HHAT: variants seen among roughly 807,000 people sequenced by gnomAD.
HHAT encodes protein-cysteine N-palmitoyltransferase HHAT.
Under a neutral mutation model 70.8 loss-of-function variants are expected in HHAT, and 47 were observed. The ratio of observed to expected loss-of-function variants is 0.66; its 90% CI spans 0.53 to 0.85. HHAT has a LOEUF of 0.85. Ranked by LOEUF, HHAT falls within the 40% of genes least tolerant of loss-of-function variation. HHAT has a pLI of 0.00. For missense variants in HHAT, 609 were observed against 604.8 expected, an observed-to-expected ratio of 1.01 and a Z score of -0.07; for synonymous variants, 228 against 247.6, an observed-to-expected ratio of 0.92 and a Z score of 0.74.
intron 9 of HHAT, among the ~76,000 whole-genome samples, chr1:210,530,143 TGCA>T (rs1328730335): frequency 2.0e-5 from 3 of 152,142 alleles, no homozygotes; most frequent in African/African-American, 7.2e-5. Flanking sequence ...TATGTAAAAT[TGCA>T]CACAAAAATC....
intron 6 of HHAT, among the ~76,000 whole-genome samples, chr1:210,405,495 T>G (rs974368702): frequency 6.6e-6 from 1 of 152,140 alleles, no homozygotes; most frequent in African/African-American, 2.4e-5. Flanking sequence ...GAAAATAACA[T>G]GTACGTGCAT....
Position 210,595,358 on chromosome 1 carries a change from T to C in HHAT, c.1245+7259T>C, listed in dbSNP as rs181343856. Among the ~76,000 whole-genome samples the C allele has an allele frequency of 8.4e-4, 128 of 152,350 alleles. 2 individuals carry two copies. Among genetic ancestry groups the C allele is most frequent in the Admixed American group, 2.7e-3 (41 of 15,304 alleles). ...TATGTGCCACATTTTCCTAATCCAG[T>C]CTATCATTGTTGGACATTTGGGTTG... is the stretch of plus-strand genomic sequence containing the variant. On this transcript the variant is annotated intron_variant, in intron 10 of 11. Coordinates refer to ENST00000261458, the MANE Select transcript of HHAT (RefSeq NM_018194.6).
At chr1:210,567,113 C>T (rs754976181) in intron 9 of HHAT, among the ~76,000 whole-genome samples, 17 of 152,222 alleles carry the variant, frequency 1.1e-4, no homozygotes, top group Non-Finnish European at 2.4e-4. Context: ...AGAGGATGCA[C>T]ATCCCTGTTG....
chr1:210,523,329 T>G (rs1003054648), intron 9 of HHAT, among the ~76,000 whole-genome samples: 1 of 152,148 alleles, frequency 6.6e-6, no homozygotes, highest in Non-Finnish European at 1.5e-5. Context: ...TGCCTGAGCT[T>G]CTCCCATTAG....
chr1:210,537,571 A>G lies in HHAT; in HGVS notation c.1043+24383A>G, dbSNP rs1390850249. Among the ~76,000 whole-genome samples, 3 of 152,208 alleles carry G rather than the reference A, an allele frequency of 2.0e-5. No individual in the cohort carries two copies. The East Asian group carries it at 5.8e-4, about 29-fold the overall frequency. ...CCGTCTTCTGCAGGTCAGCTGCAGTAGGTGAAAATGGAGACAGGAAGGGCC... is the reference window on the plus strand; with the variant it reads ...CCGTCTTCTGCAGGTCAGCTGCAGTGGGTGAAAATGGAGACAGGAAGGGCC... On this transcript the variant is annotated intron_variant, in intron 9 of 11. Coordinates refer to ENST00000261458, the MANE Select transcript of HHAT (RefSeq NM_018194.6).
chr1:210,340,242 G>GGGT, intron 1 of HHAT, among the ~76,000 whole-genome samples: 1 of 99,780 alleles, frequency 1.0e-5, no homozygotes, highest in South Asian at 3.4e-4. Context: ...CTCTGTCTCA[G>GGGT]AAAAAAAAAA....
At chr1:210,386,496 C>T (rs1271735650) in intron 3 of HHAT, among the ~76,000 whole-genome samples, 1 of 151,898 alleles carries the variant, frequency 6.6e-6, no homozygotes, top group Non-Finnish European at 1.5e-5. Flanking sequence ...CCTCGGCCTC[C>T]CAAAGTGCTG....
intron 9 of HHAT, among the ~76,000 whole-genome samples, chr1:210,569,203 A>G (rs886976519): frequency 1.3e-5 from 2 of 151,572 alleles, no homozygotes; most frequent in African/African-American, 4.8e-5. Flanking sequence ...GCGAAACCCC[A>G]TCTCTACTAA....
At chr1:210,338,438 A>G (rs2085707003) in intron 1 of HHAT, among the ~76,000 whole-genome samples, 1 of 152,230 alleles carries the variant, frequency 6.6e-6, no homozygotes, top group Non-Finnish European at 1.5e-5. Context: ...GGCATTAATT[A>G]TCTTTAAACA....
At chr1:210,610,680 T>A (rs1573711595) in intron 10 of HHAT, among the ~76,000 whole-genome samples, 2 of 135,856 alleles carry the variant, frequency 1.5e-5, no homozygotes, top group East Asian at 6.9e-4. Flanking sequence ...CCATCTTGAA[T>A]TAATTTTTTA....
At chr1:210,465,004 T>A (rs1420410537) in intron 8 of HHAT, among the ~76,000 whole-genome samples, 1 of 152,192 alleles carries the variant, frequency 6.6e-6, no homozygotes, top group Non-Finnish European at 1.5e-5. Context: ...CATCAGTGTA[T>A]GTGAGACTGT....
In HHAT at chr1:210,655,588, A is replaced by G. The variant is rs1033417802; in HGVS notation, c.1391-18700A>G. 5.3e-5 allele frequency among the ~76,000 whole-genome samples: 8 copies of G among 152,356 alleles called. No homozygotes were observed. In the East Asian group the frequency reaches 1.5e-3, roughly 29 times the overall value. On this transcript the variant is annotated intron_variant, in intron 11 of 11. Transcript: ENST00000261458. ...CCAGGACTTGCCTGTTGTCCTGGGCAGACCTGCCGTTGATTGTGGCAACAG... is the reference window on the plus strand; with the variant it reads ...CCAGGACTTGCCTGTTGTCCTGGGCGGACCTGCCGTTGATTGTGGCAACAG...
At chr1:210,564,410 A>T (rs1378961642) in intron 9 of HHAT, among the ~76,000 whole-genome samples, 1 of 152,198 alleles carries the variant, frequency 6.6e-6, no homozygotes, top group Non-Finnish European at 1.5e-5. Flanking sequence ...GGCTCTAAAG[A>T]TGAAAACAGA....
At chr1:210,631,403 C>T (rs1296905140) in intron 11 of HHAT, among the ~76,000 whole-genome samples, 1 of 152,204 alleles carries the variant, frequency 6.6e-6, no homozygotes, top group Non-Finnish European at 1.5e-5. Context: ...ACTGATAGAC[C>T]AGCTTGAGGC....
At chr1:210,422,857 G>A (rs545871236) in intron 7 of HHAT, among the ~76,000 whole-genome samples, 8 of 152,120 alleles carry the variant, frequency 5.3e-5, no homozygotes, top group African/African-American at 1.7e-4. Flanking sequence ...GGCTGGTCTC[G>A]AACTCCTGAC....
chr1:210,365,079 A>G (rs897958858), intron 3 of HHAT, among the ~76,000 whole-genome samples: 1 of 152,152 alleles, frequency 6.6e-6, no homozygotes, highest in Non-Finnish European at 1.5e-5. Context: ...CGGCAGAGGA[A>G]GGACATTGAT....
At chr1:210,353,140 T>C (rs770920856) in intron 2 of HHAT, among the ~76,000 whole-genome samples, 2 of 152,098 alleles carry the variant, frequency 1.3e-5, no homozygotes, top group Non-Finnish European at 2.9e-5. Flanking sequence ...TTTACCATGC[T>C]AGTCAAGCTG....
At chr1:210,517,641 A>G (rs1182724547) in intron 9 of HHAT, among the ~76,000 whole-genome samples, 2 of 152,214 alleles carry the variant, frequency 1.3e-5, no homozygotes, top group Non-Finnish European at 2.9e-5. Flanking sequence ...ATAGGGTGAC[A>G]ATAGCTAATA....
At chr1:210,637,696 CTAAAAATACAAAAA>C (rs1033718651) in intron 11 of HHAT, among the ~76,000 whole-genome samples, 8 of 152,032 alleles carry the variant, frequency 5.3e-5, no homozygotes, top group Non-Finnish European at 1.2e-4. Flanking sequence ...CCCGTCTCCC[CTAAAAATACAAAAA>C]TTAGCTGAGC....
Sources: gnomAD v4.1 joint callset for allele counts (sites outside exome capture counted in the v4.1 genomes callset) on GRCh38, gnomAD v4.1.1 for gene constraint, MANE v1.5 for transcripts, NCBI Gene and HGNC (gene_info 2026-07-23, HGNC 2026-07-21) for gene names.